The following PTPRD variants were observed in gnomAD, a reference collection of about 807,000 sequenced individuals.
PTPRD encodes protein tyrosine phosphatase receptor type D, also known as receptor-type tyrosine-protein phosphatase delta.
PTPRD carries 34 observed loss-of-function variants against 214.5 expected under a neutral mutation model. The ratio of observed to expected loss-of-function variants is 0.16; its 90% CI spans 0.12 to 0.21. The LOEUF (loss-of-function observed/expected upper bound fraction) is 0.21. Among genes scored for constraint, PTPRD ranks in the 10% least tolerant of loss-of-function variants. PTPRD has a pLI of 1.00. For synonymous variants in PTPRD, 1,128 were observed against 845.7 expected (o/e 1.33, Z -5.79); for missense variants, 2,545 against 2,398.7 (o/e 1.06, Z -1.27).
At chr9:8,651,829 G>A (rs1248618455) in intron 12 of PTPRD, among the ~76,000 whole-genome samples, 1 of 152,106 alleles carries the variant, frequency 6.6e-6, no homozygotes, top group East Asian at 1.9e-4. Context: ...ACCTCTCCTG[G>A]TAAGAGAACT....
intron 7 of PTPRD, among the ~76,000 whole-genome samples, chr9:9,649,384 T>C (rs1049689621): frequency 5.3e-5 from 8 of 152,152 alleles, no homozygotes; most frequent in Admixed American, 3.3e-4. Flanking sequence ...AGAGAAAAAT[T>C]TGAATGGCAG....
intron 3 of PTPRD, among the ~76,000 whole-genome samples, chr9:10,197,061 A>T (rs1008569994): frequency 6.6e-6 from 1 of 152,002 alleles, no homozygotes; most frequent in Non-Finnish European, 1.5e-5. Context: ...CCCCTAGTTT[A>T]TGCTGTTTTG....
rs73641270 is a variant in PTPRD, at chr9:9,239,516, A to C, written c.-202-56153T>G. On this transcript the variant is annotated intron_variant, in intron 9 of 45. Transcript: ENST00000381196. ...TGAGAGCAAGAAAAAAATTACCCTT[A>C]ACAATTTATTCTGTGATATTTTTGA... Among the ~76,000 whole-genome samples, 292 of 152,264 alleles carry C rather than the reference A, an allele frequency of 1.9e-3. 2 individuals are homozygous for C. The highest frequency in any genetic ancestry group is 6.7e-3 in the African/African-American group (280 of 41,570).
intron 12 of PTPRD, among the ~76,000 whole-genome samples, chr9:8,655,820 T>A (rs1234225792): frequency 6.6e-6 from 1 of 151,988 alleles, no homozygotes; most frequent in Non-Finnish European, 1.5e-5. Context: ...TTGCTTATTC[T>A]TACTTCTGGT....
chr9:9,275,208 TATA>T (rs1569566785), intron 9 of PTPRD, among the ~76,000 whole-genome samples: 11 of 80,562 alleles, frequency 1.4e-4, no homozygotes, highest in African/African-American at 5.7e-4. Context: ...ATTATATATA[TATA>T]TATATAACCA....
intron 11 of PTPRD, among the ~76,000 whole-genome samples, chr9:8,917,054 CTT>C (rs61077928): frequency 4.6e-4 from 58 of 125,696 alleles, no homozygotes; most frequent in Non-Finnish European, 5.4e-4. Context: ...CATTTTCTTT[CTT>C]TTTTTTTTTT....
At chr9:9,079,241 TCTA>T (rs923013653) in intron 10 of PTPRD, among the ~76,000 whole-genome samples, 1 of 152,082 alleles carries the variant, frequency 6.6e-6, no homozygotes, top group African/African-American at 2.4e-5. Context: ...TATCCTCTGT[TCTA>T]CTGTTTACTT....
chr9:10,023,939 T>C (rs1168727855), intron 4 of PTPRD, among the ~76,000 whole-genome samples: 2 of 152,154 alleles, frequency 1.3e-5, no homozygotes, highest in Non-Finnish European at 2.9e-5. Context: ...CAAGTACATA[T>C]TTTTCACAAT....
intron 9 of PTPRD, among the ~76,000 whole-genome samples, chr9:9,246,420 TG>T (rs1346290796): frequency 6.6e-6 from 1 of 152,074 alleles, no homozygotes; most frequent in Admixed American, 6.6e-5. Flanking sequence ...TGCCTATTCC[TG>T]TATGGGCTGC....
At chr9:9,843,716 G>C (rs77553867) in intron 5 of PTPRD, among the ~76,000 whole-genome samples, 3,199 of 151,836 alleles carry the variant, frequency 0.021, 103 homozygotes, top group African/African-American at 0.073. Context: ...TGTATATCTA[G>C]AAAATCAACA....
chr9:10,541,933 GA>G (rs2059208349), intron 2 of PTPRD, among the ~76,000 whole-genome samples: 2 of 152,034 alleles, frequency 1.3e-5, no homozygotes, highest in Non-Finnish European at 2.9e-5. Flanking sequence ...AGATAAAACT[GA>G]AGTTCCATTA....
intron 44 of PTPRD, among the ~76,000 whole-genome samples, chr9:8,327,957 ACTC>A (rs147451724): frequency 0.23 from 35,520 of 151,354 alleles, 4,486 homozygotes; most frequent in Middle Eastern, 0.4. Context: ...ATGGGTCTTC[ACTC>A]CTCTTTATCC....
chr9:10,508,010 G>A (rs567285959), intron 2 of PTPRD, among the ~76,000 whole-genome samples: 3 of 152,220 alleles, frequency 2.0e-5, no homozygotes, highest in South Asian at 2.1e-4. Flanking sequence ...GAGTGAACAG[G>A]CAACCTACAG....
chr9:8,404,203 A>T (rs904308015), intron 36 of PTPRD, among the ~76,000 whole-genome samples: 2 of 152,152 alleles, frequency 1.3e-5, no homozygotes, highest in Non-Finnish European at 2.9e-5. Context: ...ATCTCGGCTC[A>T]CTGCAACTCC....
chr9:8,896,190 TTGCACGGAGAAAGCC>T (rs2098609081), intron 11 of PTPRD, among the ~76,000 whole-genome samples: 1 of 152,210 alleles, frequency 6.6e-6, no homozygotes, highest in African/African-American at 2.4e-5. Flanking sequence ...GCAGACTATA[TTGCACGGAGAAAGCC>T]TGCTCACATA....
chr9:8,762,378 T>C (rs2094465213), intron 11 of PTPRD, among the ~76,000 whole-genome samples: 1 of 152,184 alleles, frequency 6.6e-6, no homozygotes, highest in Non-Finnish European at 1.5e-5. Context: ...TTCATGGAAA[T>C]ATTTAAAGCA....
At position 10,521,605 on chromosome 9, in the gene PTPRD, G is replaced by A. The variant is rs183585778; in HGVS notation, c.-600+90793C>T. 9.2e-5 allele frequency among the ~76,000 whole-genome samples: 14 copies of A among 152,200 alleles called. No individual in the cohort carries two copies. The East Asian group carries it at 9.7e-4, about 10-fold the overall frequency. On this transcript the variant is annotated intron_variant, in intron 2 of 45. Transcript: ENST00000381196. ...AGAGAAATCCTTCGTGAAAATCTGA[G>A]ACAATCAATGCAACAAAATCATTCT...
intron 30 of PTPRD, among the ~76,000 whole-genome samples, chr9:8,479,755 T>C (rs1207839085): frequency 6.6e-6 from 1 of 152,188 alleles, no homozygotes; most frequent in Non-Finnish European, 1.5e-5. Context: ...GAAAACTAAA[T>C]TAATAGTAAA....
chr9:9,749,844 G>A (rs552710470), intron 6 of PTPRD, among the ~76,000 whole-genome samples: 29 of 152,174 alleles, frequency 1.9e-4, no homozygotes, highest in Admixed American at 3.3e-4. Context: ...ATTAAAAAGA[G>A]GAGGAAGAAA....
Sources: gnomAD v4.1 joint callset for allele counts (sites outside exome capture counted in the v4.1 genomes callset) on GRCh38, gnomAD v4.1.1 for gene constraint, MANE v1.5 for transcripts, NCBI Gene and HGNC (gene_info 2026-07-23, HGNC 2026-07-21) for gene names.